UCHL5: variants seen among roughly 807,000 people sequenced by gnomAD.
UCHL5 encodes ubiquitin carboxyl-terminal hydrolase isozyme L5.
Under a neutral mutation model 53.8 loss-of-function variants are expected in UCHL5, and 34 were observed. The observed-to-expected ratio is 0.63, with a 90% CI of 0.48 to 0.84. UCHL5 has a LOEUF of 0.84. UCHL5 is among the 40% of genes least tolerant of loss of function. UCHL5 has a pLI of 0.00. For missense variants in UCHL5, 290 were observed against 385.6 expected, an observed-to-expected ratio of 0.75 and a Z score of 2.08; for synonymous variants, 111 against 126.3, an observed-to-expected ratio of 0.88 and a Z score of 0.81.
Position 193,019,020 on chromosome 1 carries a change from A to G in UCHL5, c.942+2077T>C, listed in dbSNP as rs572141473. Among the ~76,000 whole-genome samples the G allele has an allele frequency of 3.3e-5, 5 of 151,800 alleles. 1 individual carries two copies. The South Asian group carries it at 1.0e-3, about 31-fold the overall frequency. On this transcript the variant is annotated intron_variant, in intron 10 of 10. Coordinates refer to ENST00000367454, the MANE Select transcript of UCHL5 (RefSeq NM_001199261.3). ...AATTTGCATTTATCTGCAGAAAATG[A>G]TATTTTAATATGGTATCTTTTTTTT...
intron 6 of UCHL5, among the ~76,000 whole-genome samples, chr1:193,028,788 T>A (rs967962304): frequency 1.3e-5 from 2 of 152,150 alleles, no homozygotes; most frequent in East Asian, 1.9e-4. Context: ...AACAATAAAT[T>A]ATCCAATTCC....
intron 3 of UCHL5, among the ~76,000 whole-genome samples, chr1:193,041,428 G>A (rs1394761643): frequency 6.6e-6 from 1 of 152,148 alleles, no homozygotes; most frequent in Non-Finnish European, 1.5e-5. Flanking sequence ...CAAAAATGAA[G>A]TAGCATTTTG....
chr1:193,042,309 G>A (rs990180389), intron 3 of UCHL5, among the ~76,000 whole-genome samples: 1 of 152,124 alleles, frequency 6.6e-6, no homozygotes, highest in Admixed American at 6.5e-5. Flanking sequence ...GGGACAGAAG[G>A]AAGTAACATA....
chr1:193,049,356 A>G (rs1175704147), intron 3 of UCHL5, among the ~76,000 whole-genome samples: 1 of 151,970 alleles, frequency 6.6e-6, no homozygotes, highest in Non-Finnish European at 1.5e-5. Context: ...GGAGGTTGCA[A>G]TGAGCCTCGC....
intron 3 of UCHL5, among the ~76,000 whole-genome samples, chr1:193,037,890 TA>T (rs71111446): frequency 0.025 from 2,925 of 118,796 alleles, 105 homozygotes; most frequent in African/African-American, 0.091. Context: ...CTTAAAGTAT[TA>T]AAAAAAAAAA....
At chr1:193,020,454 T>A in intron 10 of UCHL5, 1 of 1,538,118 alleles carries the variant, frequency 6.5e-7, no homozygotes, top group South Asian at 1.2e-5. Context: ...TATATCAGAA[T>A]ATCTGGGGAG....
intron 3 of UCHL5, among the ~76,000 whole-genome samples, chr1:193,043,151 TAAA>T (rs200951342): frequency 1.4e-3 from 51 of 36,368 alleles, no homozygotes; most frequent in Middle Eastern, 0.025. Flanking sequence ...TCTTGAATAT[TAAA>T]AAAAAAAAAA....
chr1:193,054,235 T>C (rs545856828), intron 1 of UCHL5, among the ~76,000 whole-genome samples: 1 of 152,304 alleles, frequency 6.6e-6, no homozygotes, highest in East Asian at 1.9e-4. Context: ...AAAATCAACC[T>C]GGAGCCCCAA....
intron 3 of UCHL5, among the ~76,000 whole-genome samples, chr1:193,031,116 A>G (rs899043292): frequency 2.0e-5 from 3 of 152,200 alleles, no homozygotes; most frequent in Admixed American, 2.0e-4. Flanking sequence ...GTAAATTTGG[A>G]TGCAAACTTT....
intron 1 of UCHL5, among the ~76,000 whole-genome samples, chr1:193,053,185 T>C (rs1196957670): frequency 1.3e-5 from 2 of 152,218 alleles, no homozygotes; most frequent in African/African-American, 2.4e-5. Flanking sequence ...ATATATCAAA[T>C]TAGGGAAAAA....
At chr1:193,025,049 T>G (rs1191839134) in intron 7 of UCHL5, among the ~76,000 whole-genome samples, 1 of 152,114 alleles carries the variant, frequency 6.6e-6, no homozygotes, top group Non-Finnish European at 1.5e-5. Flanking sequence ...CCAAGAATGA[T>G]ACAATAGTGA....
chr1:193,046,967 T>C (rs1186437186), intron 3 of UCHL5, among the ~76,000 whole-genome samples: 1 of 152,016 alleles, frequency 6.6e-6, no homozygotes, highest in Non-Finnish European at 1.5e-5. Flanking sequence ...CTGGGTTTTA[T>C]ACTTGGAGTT....
At chr1:193,045,680 T>C (rs1390612413) in intron 3 of UCHL5, among the ~76,000 whole-genome samples, 1 of 152,176 alleles carries the variant, frequency 6.6e-6, no homozygotes, top group Non-Finnish European at 1.5e-5. Flanking sequence ...AATGCAAGAA[T>C]AACCTAACAC....
intron 3 of UCHL5, 127 bp from the exon 4 acceptor site, chr1:193,029,784 G>T: frequency 1.4e-6 from 1 of 736,262 alleles, no homozygotes; most frequent in Non-Finnish European, 2.1e-6. Context: ...AGCATAAACA[G>T]AATAAATATG....
chr1:193,019,153 T>C (rs1655975561), intron 10 of UCHL5, among the ~76,000 whole-genome samples: 1 of 151,584 alleles, frequency 6.6e-6, no homozygotes, highest in Admixed American at 6.6e-5. Flanking sequence ...GATGTGAAAT[T>C]TTAAGTGGCT....
At chr1:193,054,338 T>G (rs1185420024) in intron 1 of UCHL5, among the ~76,000 whole-genome samples, 1 of 152,194 alleles carries the variant, frequency 6.6e-6, no homozygotes, top group Non-Finnish European at 1.5e-5. Context: ...TTTGACAACT[T>G]GTCATTCCCC....
At chr1:193,025,505 T>C (rs888632372) in intron 7 of UCHL5, among the ~76,000 whole-genome samples, 1 of 152,216 alleles carries the variant, frequency 6.6e-6, no homozygotes, top group Non-Finnish European at 1.5e-5. Flanking sequence ...CACTTCAGTA[T>C]GAGTGGAAAG....
At chr1:193,017,762 A>G (rs1361870390) in intron 10 of UCHL5, among the ~76,000 whole-genome samples, 1 of 151,524 alleles carries the variant, frequency 6.6e-6, no homozygotes, top group Non-Finnish European at 1.5e-5. Context: ...AATTAAAAAT[A>G]ATTATCACAA....
chr1:193,050,241 T>C (rs937081033), intron 2 of UCHL5, among the ~76,000 whole-genome samples: 43 of 152,334 alleles, frequency 2.8e-4, no homozygotes, highest in African/African-American at 1.0e-3. Context: ...ATATTAAATA[T>C]AGGAAGTAAC....
Sources: gnomAD v4.1 joint callset for allele counts (sites outside exome capture counted in the v4.1 genomes callset) on GRCh38, gnomAD v4.1.1 for gene constraint, MANE v1.5 for transcripts, NCBI Gene and HGNC (gene_info 2026-07-23, HGNC 2026-07-21) for gene names.